NSMCE2: variants seen among roughly 807,000 people sequenced by gnomAD.
The protein encoded by NSMCE2 is NSE2 SUMO ligase component of SMC5/6 complex, also known as E3 SUMO-protein ligase NSE2.
Under a neutral mutation model 23.8 loss-of-function variants are expected in NSMCE2, and 24 were observed. The observed-to-expected ratio is 1.01, with a 90% confidence interval of 0.73 to 1.42. NSMCE2 has a LOEUF of 1.42. Ranked by LOEUF, NSMCE2 falls within the 40% of genes most tolerant of loss-of-function variation. The pLI is 0.00. For missense variants in NSMCE2, 284 were observed against 296.5 expected, an observed-to-expected ratio of 0.96 and a Z score of 0.31; for synonymous variants, 92 against 94.1, an observed-to-expected ratio of 0.98 and a Z score of 0.13.
At chr8:125,262,571 T>C (rs1299359991) in intron 5 of NSMCE2, among the ~76,000 whole-genome samples, 4 of 152,202 alleles carry the variant, frequency 2.6e-5, no homozygotes, top group African/African-American at 9.6e-5. Context: ...TTCTAGACAC[T>C]AGGGTAGCAA....
intron 2 of NSMCE2, 53 bp from the exon 3 acceptor site, chr8:125,102,264 T>C (rs1477831015): frequency 1.1e-5 from 13 of 1,160,630 alleles, no homozygotes; most frequent in Admixed American, 1.8e-5. Flanking sequence ...TATTTTCCTG[T>C]GCAGTTATTA....
At position 125,102,151 on chromosome 8, in the gene NSMCE2, G is replaced by A. The variant is rs1818222739; in HGVS notation, c.-15+5G>A. 1 of 569,674 alleles carries A rather than the reference G, an allele frequency of 1.8e-6. No homozygotes were observed. The highest frequency in any genetic ancestry group is 3.1e-6 in the Non-Finnish European group (1 of 319,012). The allele number at this position is 569,674 out of a possible 1,614,324, so 35.3% of individuals were successfully genotyped here. On this transcript the variant is annotated splice_donor_5th_base_variant and intron_variant, in intron 2 of 7. Coordinates refer to ENST00000287437, the MANE Select transcript of NSMCE2 (RefSeq NM_173685.4). ...CAGCTGTGTTTGGTGGCCCAGGTGA[G>A]TGGCACAGTGATTTGGTGTCTTCTC... is the stretch of plus-strand genomic sequence containing the variant.
chr8:125,189,566 A>T (rs925573094), intron 5 of NSMCE2, among the ~76,000 whole-genome samples: 4 of 152,242 alleles, frequency 2.6e-5, no homozygotes, highest in Admixed American at 6.5e-5. Context: ...GAACAGATTT[A>T]TTCAACTGAT....
intron 4 of NSMCE2, among the ~76,000 whole-genome samples, chr8:125,165,237 A>G (rs1187025426): frequency 6.6e-6 from 1 of 152,210 alleles, no homozygotes; most frequent in African/African-American, 2.4e-5. Flanking sequence ...TAAAGTACTT[A>G]ATTTATGCCT....
At chr8:125,136,570 T>C (rs1011209384) in intron 3 of NSMCE2, among the ~76,000 whole-genome samples, 4 of 152,172 alleles carry the variant, frequency 2.6e-5, no homozygotes, top group African/African-American at 4.8e-5. Context: ...TGTGGTGTTA[T>C]AATTGATACC....
intron 5 of NSMCE2, among the ~76,000 whole-genome samples, chr8:125,185,215 C>T (rs141208030): frequency 3.9e-4 from 60 of 152,320 alleles, no homozygotes; most frequent in African/African-American, 1.4e-3. Flanking sequence ...GTACACTCTG[C>T]TGGCAGTGCA....
At chr8:125,114,606 T>G (rs1301559820) in intron 3 of NSMCE2, among the ~76,000 whole-genome samples, 1 of 152,178 alleles carries the variant, frequency 6.6e-6, no homozygotes, top group African/African-American at 2.4e-5. Flanking sequence ...CTGTCACAAC[T>G]CGGGGATGCG....
chr8:125,355,989 G>T (rs1586814301), intron 5 of NSMCE2, among the ~76,000 whole-genome samples: 1 of 151,982 alleles, frequency 6.6e-6, no homozygotes, highest in African/African-American at 2.4e-5. Context: ...GTGCTCCAAG[G>T]GTCTTTCAGA....
chr8:125,189,680 GA>G (rs1260274617), intron 5 of NSMCE2, among the ~76,000 whole-genome samples: 1 of 152,212 alleles, frequency 6.6e-6, no homozygotes, highest in African/African-American at 2.4e-5. Context: ...GAGAAAAATA[GA>G]GGACAAAAAT....
chr8:125,117,089 T>C (rs558445611), intron 3 of NSMCE2, among the ~76,000 whole-genome samples: 11 of 152,238 alleles, frequency 7.2e-5, no homozygotes, highest in African/African-American at 2.4e-4. Flanking sequence ...TCATCAGATT[T>C]GCTTTTTTCT....
intron 5 of NSMCE2, among the ~76,000 whole-genome samples, chr8:125,212,230 C>A (rs548030201): frequency 2.0e-5 from 3 of 152,288 alleles, no homozygotes; most frequent in Admixed American, 6.5e-5. Flanking sequence ...AAGGCGAACA[C>A]ATATTCATTT....
chr8:125,200,633 A>G (rs1823829887), intron 5 of NSMCE2, among the ~76,000 whole-genome samples: 2 of 152,158 alleles, frequency 1.3e-5, no homozygotes, highest in Admixed American at 6.6e-5. Flanking sequence ...AACCTTGGTT[A>G]ATCTGACAAT....
At chr8:125,187,917 C>T (rs1823177430) in intron 5 of NSMCE2, among the ~76,000 whole-genome samples, 1 of 152,066 alleles carries the variant, frequency 6.6e-6, no homozygotes, top group South Asian at 2.1e-4. Context: ...TGAAAAGGTT[C>T]ACCACAAATT....
At chr8:125,297,238 C>A (rs1210704298) in intron 5 of NSMCE2, among the ~76,000 whole-genome samples, 2 of 152,240 alleles carry the variant, frequency 1.3e-5, no homozygotes, top group Non-Finnish European at 2.9e-5. Context: ...AAATGCCTGG[C>A]CAAAAGGTAG....
chr8:125,193,138 A>G (rs567953709), intron 5 of NSMCE2, among the ~76,000 whole-genome samples: 11 of 152,346 alleles, frequency 7.2e-5, no homozygotes, highest in Non-Finnish European at 1.3e-4. Flanking sequence ...TGCTTATGCT[A>G]TTAAGAGTTA....
intron 5 of NSMCE2, among the ~76,000 whole-genome samples, chr8:125,256,804 A>G (rs1826439287): frequency 6.6e-6 from 1 of 151,744 alleles, no homozygotes; most frequent in South Asian, 2.1e-4. Flanking sequence ...ACATGCCTGT[A>G]GTCCCAGCTA....
chr8:125,104,758 C>T (rs374485748), intron 3 of NSMCE2, among the ~76,000 whole-genome samples: 54 of 152,234 alleles, frequency 3.5e-4, no homozygotes, highest in African/African-American at 1.2e-3. Flanking sequence ...TGTGCTAGGC[C>T]GAGCATGGTG....
At chr8:125,344,437 T>C (rs1243563783) in intron 5 of NSMCE2, among the ~76,000 whole-genome samples, 1 of 152,184 alleles carries the variant, frequency 6.6e-6, no homozygotes, top group Non-Finnish European at 1.5e-5. Flanking sequence ...CTTTTTTCTA[T>C]ATACCATTGT....
chr8:125,218,623 G>T (rs904881924), intron 5 of NSMCE2, among the ~76,000 whole-genome samples: 2 of 151,994 alleles, frequency 1.3e-5, no homozygotes, highest in Non-Finnish European at 2.9e-5. Flanking sequence ...TGTTGGCCAG[G>T]CTGGTCTTGA....
Sources: gnomAD v4.1 joint callset for allele counts (sites outside exome capture counted in the v4.1 genomes callset) on GRCh38, gnomAD v4.1.1 for gene constraint, MANE v1.5 for transcripts, NCBI Gene and HGNC (gene_info 2026-07-23, HGNC 2026-07-21) for gene names.